NECAB2: variants seen among roughly 807,000 people sequenced by gnomAD.
The protein encoded by NECAB2 is N-terminal EF-hand calcium-binding protein 2.
NECAB2 carries 68 observed loss-of-function variants against 51.9 expected under a neutral mutation model. That is an observed-to-expected ratio of 1.31 (90% CI 1.08 to 1.60). NECAB2 has a LOEUF of 1.60. NECAB2 is among the 40% of genes most tolerant of loss of function. The pLI is 0.00. For missense variants in NECAB2, 854 were observed against 490.3 expected (o/e 1.74, Z -7.00); for synonymous variants, 329 against 203.5 (o/e 1.62, Z -5.25).
Position 84,000,705 on chromosome 16 carries a change from CG to C in NECAB2, c.963-18del. 1 of 1,612,738 alleles carries C rather than the reference CG, an allele frequency of 6.2e-7. No individual in the cohort carries two copies. The highest frequency in any genetic ancestry group is 8.5e-7 in the Non-Finnish European group (1 of 1,179,290). ...TGGTTGAGCTCCAGCCTCCTCCCCCCGACCATCTCCTGTTGCAGCATCACTG... is the reference window on the plus strand; with the variant it reads ...TGGTTGAGCTCCAGCCTCCTCCCCCCACCATCTCCTGTTGCAGCATCACTG... On this transcript the variant is annotated intron_variant, in intron 10 of 12. Coordinates refer to ENST00000305202, the MANE Select transcript of NECAB2 (RefSeq NM_019065.3).
upstream of NECAB2, chr16:83,965,781 C>G (rs867603122): frequency 6.2e-7 from 1 of 1,613,152 alleles, no homozygotes. Flanking sequence ...CCCGACCTCT[C>G]CTTCCTGCCT....
At chr16:83,970,958 A>G (rs1031124786) in intron 1 of NECAB2, among the ~76,000 whole-genome samples, 2 of 152,062 alleles carry the variant, frequency 1.3e-5, no homozygotes, top group African/African-American at 4.8e-5. Context: ...GCCAGTTGTG[A>G]TGGCGGGCGT....
At chr16:83,998,791 T>G (rs2084760432) in intron 10 of NECAB2, among the ~76,000 whole-genome samples, 1 of 137,220 alleles carries the variant, frequency 7.3e-6, no homozygotes, top group Non-Finnish European at 1.5e-5. Context: ...CCAAGTCATG[T>G]AGTTGCCCTT....
In NECAB2 at chr16:83,978,532, G is replaced by A. The variant is rs142909103; in HGVS notation, c.315G>A (p.Thr105=). The part of the protein sequence containing the change: ...NEKELEDLFH[T]IDSDNTNHVD... ...AAGAACTGGAGGATCTCTTTCACACGATTGACTCTGACAACACCAAGTGAG... is the reference window on the plus strand; with the variant it reads ...AAGAACTGGAGGATCTCTTTCACACAATTGACTCTGACAACACCAAGTGAG... Residue 105 remains threonine, a synonymous_variant, in exon 3 of 13, where the codon ACG becomes ACA. Coordinates refer to ENST00000305202, the MANE Select transcript of NECAB2 (RefSeq NM_019065.3). 2.0e-5 allele frequency: 32 copies of A among 1,613,568 alleles called. No individual in the cohort carries two copies. The highest frequency in any genetic ancestry group is 6.7e-5 in the East Asian group (3 of 44,866).
At chr16:83,997,058 G>A in intron 8 of NECAB2, among the ~76,000 whole-genome samples, 158 bp from the exon 9 acceptor site, 1 of 150,426 alleles carries the variant, frequency 6.6e-6, no homozygotes. Context: ...GTAGGCCAGA[G>A]GGAGTCTCTG....
chr16:83,998,460 T>C, intron 10 of NECAB2, 143 bp downstream of exon 10: 2 of 755,898 alleles, frequency 2.6e-6, no homozygotes, highest in East Asian at 5.4e-5. Flanking sequence ...AAGAAGTGGG[T>C]TCAGGTCTCT....
At chr16:83,966,196 G>A (rs940720458), upstream of NECAB2, 43 of 587,544 alleles carry the variant, frequency 7.3e-5, 1 homozygote, top group South Asian at 4.6e-4. Context: ...TGGTAACAGC[G>A]GCCGCAGGCC....
chr16:83,999,397 G>C (rs1380516790), intron 10 of NECAB2, among the ~76,000 whole-genome samples: 1 of 152,202 alleles, frequency 6.6e-6, no homozygotes, highest in African/African-American at 2.4e-5. Context: ...GATGCGCTGT[G>C]GAGAGGAGGC....
chr16:84,000,525 T>C (rs2084808609), intron 10 of NECAB2, among the ~76,000 whole-genome samples, 199 bp from the exon 11 acceptor site: 1 of 152,140 alleles, frequency 6.6e-6, no homozygotes, highest in Non-Finnish European at 1.5e-5. Flanking sequence ...AATAAATAGC[T>C]GTTGGCCACT....
rs2084313709 is a variant in NECAB2 at position 83,968,583 on chromosome 16, G to A, written c.-66G>A. ...GCGGGCAGCGCGGGGAGGGGGTCGC[G>A]CGGGGGCGGGCCGCAGCTGGGCGGG... On this transcript the variant is annotated 5_prime_UTR_variant, in exon 1 of 13. Coordinates refer to ENST00000305202, the MANE Select transcript of NECAB2 (RefSeq NM_019065.3). 29 of 970,862 alleles carry A rather than the reference G, an allele frequency of 3.0e-5. No individual in the cohort carries two copies. Among genetic ancestry groups the A allele is most frequent in the Non-Finnish European group, 3.4e-5 (28 of 819,740 alleles). The allele number at this position is 970,862 out of a possible 1,614,324, so 60.1% of individuals were successfully genotyped here. A position where few individuals can be genotyped will look rare whatever the true frequency, so the allele number is the denominator to read the frequency against.
At chr16:83,985,119 C>T (rs1052034516) in intron 5 of NECAB2, among the ~76,000 whole-genome samples, 1 of 151,236 alleles carries the variant, frequency 6.6e-6, no homozygotes. Flanking sequence ...TTGAGACCAG[C>T]GTGGCCAACA....
chr16:83,989,196 G>A (rs140726320), intron 5 of NECAB2, among the ~76,000 whole-genome samples: 86 of 152,318 alleles, frequency 5.6e-4, no homozygotes, highest in Middle Eastern at 3.4e-3. Context: ...GTTGATCACT[G>A]GATCATGTGT....
intron 5 of NECAB2, among the ~76,000 whole-genome samples, chr16:83,988,646 C>T (rs74032349): frequency 6.6e-6 from 1 of 152,184 alleles, no homozygotes; most frequent in African/African-American, 2.4e-5. Flanking sequence ...TGACTTAGGA[C>T]AAACTCTTAA....
intron 11 of NECAB2, among the ~76,000 whole-genome samples, chr16:84,001,477 A>T (rs2084833927): frequency 6.6e-6 from 1 of 152,094 alleles, no homozygotes; most frequent in African/African-American, 2.4e-5. Flanking sequence ...GTGACTCATA[A>T]AACGAGGGAC....
At chr16:83,967,450 GTGGATGGA>G (rs1204994979), upstream of NECAB2, among the ~76,000 whole-genome samples, 1 of 111,504 alleles carries the variant, frequency 9.0e-6, no homozygotes, top group Non-Finnish European at 1.9e-5. Context: ...TGGTGGGTGG[GTGGATGGA>G]TGGATGGATG....
chr16:84,000,656 A>G, intron 10 of NECAB2, 68 bp from the exon 11 acceptor site: 1 of 1,428,814 alleles, frequency 7.0e-7, no homozygotes, highest in Non-Finnish European at 9.8e-7. Flanking sequence ...AGGCCACCCC[A>G]GGGGAACAGC....
rs147792229 is a variant in NECAB2 at position 83,975,445 on chromosome 16, C to G, written c.227-2999C>G. Among the ~76,000 whole-genome samples the G allele has an allele frequency of 5.9e-4, 90 of 152,218 alleles. 1 individual carries two copies. The East Asian group carries it at 0.017, about 28-fold the overall frequency. On this transcript the variant is annotated intron_variant, in intron 2 of 12. Coordinates refer to ENST00000305202, the MANE Select transcript of NECAB2 (RefSeq NM_019065.3). The stretch of plus-strand genomic sequence containing the variant: ...TGCTCAACACTGACGCTAGCCCTGC[C>G]TCACGTGTCCACAGGAAGGATGGAT...
chr16:83,998,168 C>T (rs200784843), intron 9 of NECAB2, 37 bp from the exon 10 acceptor site: 189 of 1,583,908 alleles, frequency 1.2e-4, no homozygotes, highest in East Asian at 1.1e-3. Context: ...GAAGGCCTGA[C>T]GTGGAGCCCC....
In NECAB2 at chr16:84,000,326, T is replaced by TAAAG. The variant is rs954078094; in HGVS notation, c.963-396_963-393dup. 5.3e-5 allele frequency among the ~76,000 whole-genome samples: 8 copies of TAAAG among 149,770 alleles called. No homozygotes were observed. The East Asian group carries it at 1.5e-3, about 29-fold the overall frequency. ...GAGAAGACAGCCTGAGCCCAGGAGT[T>TAAAG]AAAGACCAGCATGGGGAACATAGCA... On this transcript the variant is annotated intron_variant, in intron 10 of 12. Transcript: ENST00000305202.
Sources: gnomAD v4.1 joint callset for allele counts (sites outside exome capture counted in the v4.1 genomes callset) on GRCh38, gnomAD v4.1.1 for gene constraint, MANE v1.5 for transcripts, NCBI Gene and HGNC (gene_info 2026-07-23, HGNC 2026-07-21) for gene names.